DISP1: variants seen among roughly 807,000 people sequenced by gnomAD.
DISP1 encodes the protein dispatched RND transporter family member 1, also known as protein dispatched homolog 1.
A neutral mutation model predicts 37.3 loss-of-function variants in DISP1; 30 were observed. The observed-to-expected ratio is 0.80, with a 90% CI of 0.60 to 1.09. The LOEUF (loss-of-function observed/expected upper bound fraction) is 1.09, where lower values mean the gene tolerates loss of function less well. Among genes scored for constraint, DISP1 ranks in the 50% least tolerant of loss-of-function variants. DISP1 has a pLI of 0.00. For synonymous variants in DISP1, 634 were observed against 690.2 expected, an observed-to-expected ratio of 0.92 and a Z score of 1.28; for missense variants, 1,598 against 1,879.5, an observed-to-expected ratio of 0.85 and a Z score of 2.77.
intron 1 of DISP1, among the ~76,000 whole-genome samples, chr1:222,823,618 A>G (rs574404709): frequency 1.3e-4 from 20 of 152,344 alleles, no homozygotes; most frequent in Admixed American, 2.6e-4. Flanking sequence ...TCACCATTAC[A>G]CAATATATCC....
At chr1:222,824,953 C>CA (rs1663943425) in intron 1 of DISP1, among the ~76,000 whole-genome samples, 3 of 151,834 alleles carry the variant, frequency 2.0e-5, no homozygotes, top group South Asian at 2.1e-4. Flanking sequence ...GCCGCTACTG[C>CA]AAAAAAAATT....
Position 223,005,862 on chromosome 1 carries a change from G to A in DISP1, c.4465G>A (p.Val1489Met), listed in dbSNP as rs1207793873. 1 of 1,614,236 alleles carries A rather than the reference G, an allele frequency of 6.2e-7. No homozygotes were observed. The highest frequency in any genetic ancestry group is 1.7e-5 in the Admixed American group (1 of 60,028). ...ACAAAGTTGTGGCAGAATTGTGAGA[G>A]TGAAGTGCAATTCTGTGGACTGTCA... ...NSQSCGRIVR[V>M]KCNSVDCQMP... The change falls in exon 9 of 9, where the codon GTG (valine) becomes ATG (methionine). Residue 1489 changes from valine (V) to methionine (M), a missense_variant. By Grantham distance (21) the Val-to-Met change is conservative. Coordinates refer to ENST00000675850, the MANE Select transcript of DISP1 (RefSeq NM_001377229.1).
chr1:223,005,095 C>T lies in DISP1; in HGVS notation c.3698C>T (p.Ala1233Val). The change falls in exon 9 of 9, where the codon GCA becomes GTA. Residue 1233 changes from alanine (A) to valine (V), a missense_variant. Transcript: ENST00000675850. ...QAKNLGMPVH[A>V]AYNSELSKST... ...AAGAATTTAGGGATGCCTGTGCATG[C>T]AGCTTACAACAGTGAACTCAGCAAA... is the stretch of plus-strand genomic sequence containing the variant. The T allele has an allele frequency of 6.2e-7, 1 of 1,614,210 alleles. No homozygotes were observed. The highest frequency in any genetic ancestry group is 8.5e-7 in the Non-Finnish European group (1 of 1,180,042).
In DISP1 at chr1:222,991,670, A is replaced by G. The variant is rs953539630; in HGVS notation, c.791+23A>G. Reference sequence around the variant, plus strand: ...AAGGTAATCAATTATTTATTTTTATATAACTTTTAGACAAAACATTGCTGA... The same window carrying G: ...AAGGTAATCAATTATTTATTTTTATGTAACTTTTAGACAAAACATTGCTGA... On this transcript the variant is annotated intron_variant, in intron 6 of 8. Coordinates refer to ENST00000675850, the MANE Select transcript of DISP1 (RefSeq NM_001377229.1). 4.4e-5 allele frequency: 70 copies of G among 1,604,438 alleles called. 1 individual carries two copies. Among genetic ancestry groups the G allele is most frequent in the Non-Finnish European group, 5.5e-5 (65 of 1,173,482 alleles).
At chr1:222,843,829 A>G (rs950001625) in intron 1 of DISP1, among the ~76,000 whole-genome samples, 2 of 152,142 alleles carry the variant, frequency 1.3e-5, no homozygotes, top group Non-Finnish European at 2.9e-5. Flanking sequence ...CCCCAAACAG[A>G]TAACATTCCA....
chr1:223,002,710 C>T lies in DISP1; in HGVS notation c.1313C>T (p.Thr438Ile). ...TACTTGGTGGACAAAGACTTTATGA[C>T]CCCAAAGACGGCTGACTATGCCACG... ...LHYLVDKDFM[T>I]PKTADYATPA... is the part of the protein sequence containing the mutation. Residue 438 changes from threonine to isoleucine, a missense_variant, in exon 9 of 9, where the codon ACC (threonine) becomes ATC (isoleucine). By Grantham distance (89) the Thr-to-Ile change is moderately conservative (BLOSUM62 -1). Coordinates refer to ENST00000675850, the MANE Select transcript of DISP1 (RefSeq NM_001377229.1). 1 of 1,614,066 alleles carries T rather than the reference C, an allele frequency of 6.2e-7. No individual in the cohort carries two copies. Among genetic ancestry groups the T allele is most frequent in the Non-Finnish European group, 8.5e-7 (1 of 1,180,026 alleles).
intron 1 of DISP1, among the ~76,000 whole-genome samples, chr1:222,875,715 T>G (rs1387518525): frequency 2.8e-5 from 4 of 143,028 alleles, no homozygotes; most frequent in Non-Finnish European, 4.5e-5. Flanking sequence ...TAATCCCAGC[T>G]ACTTGGGAGG....
intron 2 of DISP1, among the ~76,000 whole-genome samples, chr1:222,931,055 G>A (rs980171726): frequency 6.6e-6 from 1 of 151,982 alleles, no homozygotes; most frequent in Non-Finnish European, 1.5e-5. Flanking sequence ...AAAACAGCAG[G>A]GAGTGGGGCC....
At chr1:222,936,368 A>G (rs1325936018) in intron 2 of DISP1, among the ~76,000 whole-genome samples, 1 of 151,922 alleles carries the variant, frequency 6.6e-6, no homozygotes, top group African/African-American at 2.4e-5. Flanking sequence ...AGCATTTTCA[A>G]TGTGATGCAA....
At chr1:222,846,206 A>G (rs1453325056) in intron 1 of DISP1, among the ~76,000 whole-genome samples, 4 of 152,216 alleles carry the variant, frequency 2.6e-5, no homozygotes, top group Non-Finnish European at 5.9e-5. Context: ...GAAAAGAGTG[A>G]AAAGGCCAGA....
intron 3 of DISP1, among the ~76,000 whole-genome samples, chr1:222,977,938 A>G (rs367728553): frequency 6.6e-6 from 1 of 152,220 alleles, no homozygotes; most frequent in East Asian, 1.9e-4. Flanking sequence ...TCTATCATTG[A>G]TGGACATTTG....
At chr1:222,897,045 G>A (rs1442623856) in intron 1 of DISP1, among the ~76,000 whole-genome samples, 1 of 152,158 alleles carries the variant, frequency 6.6e-6, no homozygotes, top group African/African-American at 2.4e-5. Context: ...ACTAACTTAT[G>A]AGTGTCCATG....
intron 3 of DISP1, among the ~76,000 whole-genome samples, chr1:222,977,570 A>G (rs1677467965): frequency 7.4e-6 from 1 of 135,488 alleles, no homozygotes; most frequent in Non-Finnish European, 1.5e-5. Flanking sequence ...AGTCTTAGGT[A>G]TATGTGCACA....
intron 5 of DISP1, 44 bp from the exon 6 acceptor site, chr1:222,991,476 C>T (rs548169980): frequency 6.2e-7 from 1 of 1,611,932 alleles, no homozygotes; most frequent in Non-Finnish European, 8.5e-7. Context: ...CTGTACTTAG[C>T]CTGAAATGAA....
At chr1:222,891,823 T>A (rs780837188) in intron 1 of DISP1, among the ~76,000 whole-genome samples, 3 of 151,978 alleles carry the variant, frequency 2.0e-5, no homozygotes, top group Non-Finnish European at 2.9e-5. Context: ...TGTGTGTGTG[T>A]TGAGGAGTAA....
At chr1:222,999,904 T>C (rs1211565764) in intron 8 of DISP1, among the ~76,000 whole-genome samples, 1 of 152,198 alleles carries the variant, frequency 6.6e-6, no homozygotes, top group African/African-American at 2.4e-5. Flanking sequence ...GTACCATCTT[T>C]GAATTGGAGG....
At chr1:222,943,857 C>T (rs1451871812) in intron 3 of DISP1, among the ~76,000 whole-genome samples, 3 of 152,054 alleles carry the variant, frequency 2.0e-5, no homozygotes, top group Non-Finnish European at 2.9e-5. Flanking sequence ...GGACAAACCC[C>T]GTCTCTACTA....
chr1:222,984,435 T>TATATATATATATAGAGAGAGAGAG (rs67660273), intron 4 of DISP1, among the ~76,000 whole-genome samples: 2 of 108,372 alleles, frequency 1.8e-5, no homozygotes, highest in South Asian at 3.2e-4. Context: ...TATATATATA[T>TATATATATATATAGAGAGAGAGAG]AGAGAGAGAG....
At chr1:222,972,397 T>G (rs1420191570) in intron 3 of DISP1, among the ~76,000 whole-genome samples, 1 of 152,112 alleles carries the variant, frequency 6.6e-6, no homozygotes, top group Non-Finnish European at 1.5e-5. Context: ...TAATTCATCC[T>G]ACACATTGCT....
Sources: allele counts gnomAD v4.1 joint callset (sites outside exome capture counted in the v4.1 genomes callset), GRCh38; gene constraint gnomAD v4.1.1; transcripts MANE v1.5; gene names NCBI Gene and HGNC (gene_info 2026-07-23, HGNC 2026-07-21).